AUH: variants seen among roughly 807,000 people sequenced by gnomAD.
The protein encoded by AUH is AU RNA binding methylglutaconyl-CoA hydratase.
A neutral mutation model predicts 42.3 loss-of-function variants in AUH; 29 were observed. That is an observed-to-expected ratio of 0.69 (90% CI 0.51 to 0.93). AUH has a LOEUF of 0.93. Ranked by LOEUF, AUH falls within the 40% of genes least tolerant of loss-of-function variation. The probability of loss-of-function intolerance (pLI) is 0.00; values close to 1 mark genes in which losing one functional copy is unlikely to be tolerated. For synonymous variants in AUH, 174 were observed against 166.4 expected (o/e 1.05, Z -0.35); for missense variants, 452 against 438.1 (o/e 1.03, Z -0.28).
chr9:91,222,601 G>A (rs960872399), intron 6 of AUH, among the ~76,000 whole-genome samples: 4 of 152,184 alleles, frequency 2.6e-5, no homozygotes, highest in Non-Finnish European at 5.9e-5. Flanking sequence ...CAATGATGTT[G>A]CTCAGTGTAG....
chr9:91,249,879 G>C (rs1428425245), intron 6 of AUH, among the ~76,000 whole-genome samples: 1 of 152,052 alleles, frequency 6.6e-6, no homozygotes, highest in Non-Finnish European at 1.5e-5. Context: ...GGGCACGGTG[G>C]TGCGTGCCTG....
chr9:91,345,000 C>T (rs1299034593), intron 3 of AUH, among the ~76,000 whole-genome samples: 1 of 144,236 alleles, frequency 6.9e-6, no homozygotes, highest in Non-Finnish European at 1.5e-5. Flanking sequence ...AAATTCAATA[C>T]ATGTTCATGA....
intron 3 of AUH, among the ~76,000 whole-genome samples, chr9:91,332,438 G>A (rs974365251): frequency 2.6e-5 from 4 of 152,208 alleles, no homozygotes; most frequent in East Asian, 3.9e-4. Flanking sequence ...GGAGGTGGAA[G>A]TTGCAGTGAG....
intron 6 of AUH, among the ~76,000 whole-genome samples, chr9:91,277,764 T>C (rs1825658456): frequency 6.6e-6 from 1 of 152,234 alleles, no homozygotes; most frequent in Non-Finnish European, 1.5e-5. Flanking sequence ...AGATGAAATT[T>C]TGAAATTCCT....
intron 3 of AUH, among the ~76,000 whole-genome samples, chr9:91,334,411 G>A (rs2131926438): frequency 1.0e-5 from 1 of 97,562 alleles, no homozygotes; most frequent in African/African-American, 4.1e-5. Flanking sequence ...GAAGGAGGAA[G>A]GAACTGGCCT....
intron 6 of AUH, among the ~76,000 whole-genome samples, chr9:91,233,123 G>A (rs2131300215): frequency 6.6e-6 from 1 of 152,280 alleles, no homozygotes; most frequent in East Asian, 1.9e-4. Flanking sequence ...ACTGTCATGG[G>A]AAGCCTCGCA....
At chr9:91,227,035 G>A (rs1827539667) in intron 6 of AUH, among the ~76,000 whole-genome samples, 1 of 151,956 alleles carries the variant, frequency 6.6e-6, no homozygotes, top group Non-Finnish European at 1.5e-5. Context: ...GGCAATGCGG[G>A]CTCTTTTTTG....
At chr9:91,307,553 C>G (rs1181145164) in intron 4 of AUH, among the ~76,000 whole-genome samples, 1 of 152,194 alleles carries the variant, frequency 6.6e-6, no homozygotes, top group Admixed American at 6.5e-5. Context: ...AGTAGCATGA[C>G]AAAATCTCGC....
Position 91,228,222 on chromosome 9 carries a change from A to C in AUH, c.656-7230T>G, listed in dbSNP as rs530926011. Among the ~76,000 whole-genome samples the C allele has an allele frequency of 5.5e-3, 837 of 152,270 alleles. 7 individuals are homozygous for C. Among genetic ancestry groups the C allele is most frequent in the Non-Finnish European group, 8.5e-3 (575 of 68,016 alleles). On this transcript the variant is annotated intron_variant, in intron 6 of 9. Transcript: ENST00000375731. The stretch of plus-strand genomic sequence containing the variant: ...TTGGTAAGCTATTGATTATTGCCAC[A>C]ATTTCACATCCTGTTATTGGTCTAT...
At chr9:91,218,988 T>A in intron 7 of AUH, 8 of 985,436 alleles carry the variant, frequency 8.1e-6, no homozygotes, top group Non-Finnish European at 9.6e-6. Context: ...ACAATCAACA[T>A]TCTGAAGGAG....
chr9:91,308,701 C>T (rs78396182), intron 4 of AUH, among the ~76,000 whole-genome samples: 74 of 152,018 alleles, frequency 4.9e-4, no homozygotes, highest in African/African-American at 1.7e-3. Flanking sequence ...ACAAAAAAGA[C>T]ACAGTGAACA....
chr9:91,255,779 G>A (rs1487015759), intron 6 of AUH, among the ~76,000 whole-genome samples: 2 of 151,916 alleles, frequency 1.3e-5, no homozygotes, highest in African/African-American at 4.8e-5. Flanking sequence ...GTGCTAACTT[G>A]GTACACAGCA....
chr9:91,361,027 T>G (rs971965091), intron 1 of AUH, among the ~76,000 whole-genome samples: 10 of 152,198 alleles, frequency 6.6e-5, no homozygotes, highest in Admixed American at 5.9e-4. Context: ...CCGTAGAAGG[T>G]AGCTCAAGGG....
intron 6 of AUH, among the ~76,000 whole-genome samples, chr9:91,254,613 C>T (rs1024123937): frequency 1.3e-5 from 2 of 152,104 alleles, no homozygotes; most frequent in Admixed American, 1.3e-4. Flanking sequence ...GAAACAAAAA[C>T]GAATTCTAAA....
At chr9:91,348,085 A>G (rs189093404) in intron 3 of AUH, among the ~76,000 whole-genome samples, 1 of 152,036 alleles carries the variant, frequency 6.6e-6, no homozygotes, top group Non-Finnish European at 1.5e-5. Context: ...AAAAAACAAA[A>G]AAAAAACCTT....
At chr9:91,321,834 C>T (rs953809368) in intron 4 of AUH, among the ~76,000 whole-genome samples, 1 of 152,150 alleles carries the variant, frequency 6.6e-6, no homozygotes, top group Admixed American at 6.5e-5. Context: ...AACAGAGCCA[C>T]ACACATTTGT....
In AUH at chr9:91,264,234, T is replaced by C. The variant is rs570866850; in HGVS notation, c.655+31787A>G. On this transcript the variant is annotated intron_variant, in intron 6 of 9. Transcript: ENST00000375731. The stretch of plus-strand genomic sequence containing the variant: ...AAATCTAATGTCATAATCTGACCAC[T>C]ACAATAAATTTTAAAAATCTAGTTT... Among the ~76,000 whole-genome samples the C allele has an allele frequency of 3.0e-4, 45 of 152,330 alleles. No individual in the cohort carries two copies. The South Asian group carries it at 8.5e-3, about 29-fold the overall frequency.
At chr9:91,342,660 A>T (rs1831193537) in intron 3 of AUH, 1 of 152,232 alleles carries the variant, frequency 6.6e-6, no homozygotes, top group Admixed American at 6.5e-5. Flanking sequence ...TAGGCTTTTT[A>T]AAAAATGGAA....
chr9:91,317,369 T>C (rs1439786929), intron 4 of AUH, among the ~76,000 whole-genome samples: 2 of 152,192 alleles, frequency 1.3e-5, no homozygotes, highest in Non-Finnish European at 2.9e-5. Context: ...TTAAACATGT[T>C]ACAATAAAGT....
Sources: allele counts gnomAD v4.1 joint callset (sites outside exome capture counted in the v4.1 genomes callset), GRCh38; gene constraint gnomAD v4.1.1; transcripts MANE v1.5; gene names NCBI Gene and HGNC (gene_info 2026-07-23, HGNC 2026-07-21).